Variants in MAPK10 observed in about 807,000 individuals in gnomAD.
MAPK10 encodes JNK3 alpha protein kinase.
Under a neutral mutation model 59.3 loss-of-function variants are expected in MAPK10, and 25 were observed. The observed-to-expected ratio is 0.42, with a 90% CI of 0.31 to 0.59. The LOEUF is 0.59. MAPK10 is among the 20% of genes least tolerant of loss of function. MAPK10 has a pLI of 0.15. For synonymous variants in MAPK10, 190 were observed against 200.5 expected (o/e 0.95, Z 0.44); for missense variants, 351 against 568.9 (o/e 0.62, Z 3.90).
chr4:86,288,889 T>C (rs2095123266), intron 2 of MAPK10, among the ~76,000 whole-genome samples: 1 of 151,874 alleles, frequency 6.6e-6, no homozygotes, highest in South Asian at 2.1e-4. Flanking sequence ...CAGGCACCAT[T>C]CTAAGAAACA....
At chr4:86,511,993 ACTG>A (rs201644904) in intron 1 of MAPK10, among the ~76,000 whole-genome samples, 1,943 of 152,244 alleles carry the variant, frequency 0.013, 11 homozygotes, top group African/African-American at 0.015. Flanking sequence ...TAATGAAGAA[ACTG>A]CTGAATTCAT....
chr4:86,499,159 C>T (rs1755111939), intron 1 of MAPK10, among the ~76,000 whole-genome samples: 1 of 152,168 alleles, frequency 6.6e-6, no homozygotes, highest in South Asian at 2.1e-4. Flanking sequence ...AAATCAGTGT[C>T]TGGGGAGTAA....
At position 86,011,936 on chromosome 4, in the gene MAPK10, C is replaced by T. The variant is rs1741479030; in HGVS notation, c.*5292G>A. On this transcript the variant is annotated 3_prime_UTR_variant, in exon 14 of 14. Coordinates refer to ENST00000641462, the MANE Select transcript of MAPK10 (RefSeq NM_138982.4). ...GTGCAGTGACCTCTTCATCCAGCCA[C>T]AAAATCATATATATTTTTAATTCTC... The T allele has an allele frequency of 6.6e-6, 1 of 152,196 alleles. No homozygotes were observed. Among genetic ancestry groups the T allele is most frequent in the African/African-American group, 2.4e-5 (1 of 41,456 alleles). 9.4% of individuals were successfully genotyped at this position (152,196 alleles called of 1,614,324 possible).
chr4:86,415,608 C>T lies in MAPK10; in HGVS notation c.-122+37422G>A, dbSNP rs1020646692. Among the ~76,000 whole-genome samples, 5 of 152,196 alleles carry T rather than the reference C, an allele frequency of 3.3e-5. No individual in the cohort carries two copies. In the East Asian group the frequency reaches 9.6e-4, roughly 29 times the overall value. On this transcript the variant is annotated intron_variant, in intron 1 of 13. Transcript: ENST00000361569. ...AAAAGCTACAGATTTGATACCATTA[C>T]AGAGTCAGTTCTTTTTCCCACTACA...
chr4:86,132,628 A>G (rs2061216275), intron 4 of MAPK10, among the ~76,000 whole-genome samples: 1 of 152,166 alleles, frequency 6.6e-6, no homozygotes, highest in Non-Finnish European at 1.5e-5. Context: ...GAGCAAGCAA[A>G]GCTTCAACTG....
intron 2 of MAPK10, among the ~76,000 whole-genome samples, chr4:86,323,775 G>A (rs971256330): frequency 1.3e-5 from 2 of 152,096 alleles, no homozygotes; most frequent in East Asian, 1.9e-4. Flanking sequence ...CTCAAAAGTC[G>A]ATTTCAGAAT....
chr4:86,072,799 A>G (rs1325289847), intron 9 of MAPK10, among the ~76,000 whole-genome samples: 1 of 89,278 alleles, frequency 1.1e-5, no homozygotes, highest in Non-Finnish European at 2.1e-5. Flanking sequence ...GTTTGCCAGT[A>G]TTTTATTGAG....
intron 4 of MAPK10, among the ~76,000 whole-genome samples, chr4:86,144,878 C>T (rs978579246): frequency 6.6e-6 from 1 of 152,086 alleles, no homozygotes; most frequent in Non-Finnish European, 1.5e-5. Flanking sequence ...TAAAAACTTA[C>T]AGTGAGCTGC....
intron 1 of MAPK10, among the ~76,000 whole-genome samples, chr4:86,442,759 C>T (rs759275623): frequency 1.3e-5 from 2 of 152,030 alleles, no homozygotes; most frequent in African/African-American, 2.4e-5. Flanking sequence ...CCTGTGTTAC[C>T]GTATTCCATG....
chr4:86,202,610 G>C (rs183062847), intron 2 of MAPK10, among the ~76,000 whole-genome samples: 1 of 151,914 alleles, frequency 6.6e-6, no homozygotes, highest in South Asian at 2.1e-4. Context: ...CAAGGAGTTT[G>C]CAGTAGTAGA....
chr4:86,434,636 G>A (rs910669217), intron 1 of MAPK10, among the ~76,000 whole-genome samples: 2 of 152,170 alleles, frequency 1.3e-5, no homozygotes, highest in African/African-American at 4.8e-5. Flanking sequence ...CAAAAGGACA[G>A]GCAATAACAG....
chr4:86,059,201 G>C (rs1023403742), intron 11 of MAPK10, among the ~76,000 whole-genome samples: 12 of 152,122 alleles, frequency 7.9e-5, no homozygotes, highest in African/African-American at 2.9e-4. Context: ...AGATATAATG[G>C]CAGACAAGAA....
chr4:86,047,973 T>C (rs1393761543), intron 11 of MAPK10, among the ~76,000 whole-genome samples: 1 of 152,054 alleles, frequency 6.6e-6, no homozygotes, highest in Non-Finnish European at 1.5e-5. Context: ...TTTGCATAGA[T>C]GAAAGGATGA....
chr4:86,374,815 G>A (rs944343399), intron 1 of MAPK10, among the ~76,000 whole-genome samples: 3 of 152,146 alleles, frequency 2.0e-5, no homozygotes, highest in Non-Finnish European at 2.9e-5. Flanking sequence ...TATACACAAC[G>A]TAGAAGGAAT....
At chr4:86,294,731 G>T (rs1043343855) in intron 2 of MAPK10, among the ~76,000 whole-genome samples, 14 of 152,170 alleles carry the variant, frequency 9.2e-5, no homozygotes, top group African/African-American at 3.4e-4. Flanking sequence ...GCAAGGTGAG[G>T]AGAGGAGAGA....
intron 11 of MAPK10, among the ~76,000 whole-genome samples, chr4:86,063,925 T>G (rs1397857056): frequency 6.6e-6 from 1 of 152,182 alleles, no homozygotes; most frequent in Non-Finnish European, 1.5e-5. Flanking sequence ...CAACTTGTCC[T>G]CTGTTGTTTC....
intron 1 of MAPK10, among the ~76,000 whole-genome samples, chr4:86,440,702 A>G (rs1193580749): frequency 6.6e-6 from 1 of 152,206 alleles, no homozygotes; most frequent in Admixed American, 6.5e-5. Context: ...ATGTCCATAC[A>G]GTGGCATATG....
chr4:86,203,087 G>A (rs866389541), intron 2 of MAPK10, among the ~76,000 whole-genome samples: 23 of 151,820 alleles, frequency 1.5e-4, no homozygotes, highest in African/African-American at 5.6e-4. Context: ...TGCAATATAG[G>A]ACCTGTAAGT....
At chr4:86,531,407 G>GGTCA (rs1002615215) in intron 1 of MAPK10, among the ~76,000 whole-genome samples, 8 of 152,076 alleles carry the variant, frequency 5.3e-5, no homozygotes, top group African/African-American at 9.7e-5. Flanking sequence ...AGGTGGTGGT[G>GGTCA]GTCATTGTTA....
Sources: gnomAD v4.1 joint callset for allele counts (sites outside exome capture counted in the v4.1 genomes callset) on GRCh38, gnomAD v4.1.1 for gene constraint, MANE v1.5 for transcripts, NCBI Gene and HGNC (gene_info 2026-07-23, HGNC 2026-07-21) for gene names.